PDE1A: variants seen among roughly 807,000 people sequenced by gnomAD.
PDE1A encodes the protein phosphodiesterase 1A.
In PDE1A, 35 loss-of-function variants were observed where a neutral mutation model predicts 61.7. The observed-to-expected ratio is 0.57, with a 90% CI of 0.43 to 0.75. PDE1A has a LOEUF of 0.75. Ranked by LOEUF, PDE1A falls within the 30% of genes least tolerant of loss-of-function variation. The probability of loss-of-function intolerance (pLI) is 0.00; values close to 1 mark genes in which losing one functional copy is unlikely to be tolerated. For missense variants in PDE1A, 597 were observed against 630.6 expected, an observed-to-expected ratio of 0.95 and a Z score of 0.57; for synonymous variants, 232 against 213.2, an observed-to-expected ratio of 1.09 and a Z score of -0.77.
chr2:182,450,477 C>A (rs1026131033), intron 2 of PDE1A, among the ~76,000 whole-genome samples: 1 of 151,896 alleles, frequency 6.6e-6, no homozygotes, highest in Non-Finnish European at 1.5e-5. Flanking sequence ...TAAGCATTTG[C>A]CCATGAAACT....
At chr2:182,607,176 G>A in the PDE1A span, among the ~76,000 whole-genome samples, 1 of 152,122 alleles carries the variant, frequency 6.6e-6, no homozygotes, top group Non-Finnish European at 1.5e-5. Flanking sequence ...GTGGTGATCT[G>A]GTAAGTTTCA....
chr2:182,584,345 A>G, the PDE1A span, among the ~76,000 whole-genome samples: 28 of 152,356 alleles, frequency 1.8e-4, no homozygotes, highest in Non-Finnish European at 3.4e-4. Flanking sequence ...GAGATCTTGC[A>G]AGGAGCCACA....
At chr2:182,146,823 CA>C (rs1690521041), downstream of PDE1A, among the ~76,000 whole-genome samples, 1 of 151,984 alleles carries the variant, frequency 6.6e-6, no homozygotes, top group African/African-American at 2.4e-5. Flanking sequence ...ATTTCAGTTC[CA>C]GTAAATATAA....
chr2:182,221,476 A>G (rs1410444451), intron 7 of PDE1A, among the ~76,000 whole-genome samples: 1 of 152,094 alleles, frequency 6.6e-6, no homozygotes, highest in African/African-American at 2.4e-5. Context: ...AAATACAAAT[A>G]AAAGCAAAAA....
chr2:182,427,037 G>T lies in PDE1A; in HGVS notation c.-407C>A, dbSNP rs567265567. On this transcript the variant is annotated 5_prime_UTR_variant, in exon 1 of 14. Transcript: ENST00000351439. ...CCACATGCTGGTCAAGCTCCGAAAG[G>T]CTAAGTCCCTCCCTGTCTTTAAAAC... The T allele has an allele frequency of 1.6e-5, 16 of 994,384 alleles. No individual in the cohort carries two copies. The highest frequency in any genetic ancestry group is 1.0e-3 in the Middle Eastern group (2 of 1,956). 61.6% of individuals were successfully genotyped at this position (994,384 alleles called of 1,614,324 possible).
At chr2:182,185,400 G>A (rs745951111) in intron 13 of PDE1A, among the ~76,000 whole-genome samples, 5 of 152,120 alleles carry the variant, frequency 3.3e-5, no homozygotes, top group Non-Finnish European at 7.4e-5. Context: ...CTTCCCATGC[G>A]ATTGCTGTGG....
At chr2:182,164,946 A>T (rs1691577490), downstream of PDE1A, among the ~76,000 whole-genome samples, 1 of 151,868 alleles carries the variant, frequency 6.6e-6, no homozygotes, top group Admixed American at 6.6e-5. Context: ...CTGACCCAGG[A>T]ATTCACTTCA....
At chr2:182,601,147 T>A in the PDE1A span, among the ~76,000 whole-genome samples, 2 of 152,214 alleles carry the variant, frequency 1.3e-5, no homozygotes, top group African/African-American at 4.8e-5. Flanking sequence ...ACTACCAGCA[T>A]GGATGCCACA....
chr2:182,369,974 A>G (rs1242717481), intron 1 of PDE1A, among the ~76,000 whole-genome samples: 1 of 152,148 alleles, frequency 6.6e-6, no homozygotes, highest in Non-Finnish European at 1.5e-5. Flanking sequence ...CAGGAGATCA[A>G]GACCATCCTG....
intron 2 of PDE1A, among the ~76,000 whole-genome samples, chr2:182,503,139 T>C (rs921191447): frequency 6.6e-6 from 1 of 151,460 alleles, no homozygotes; most frequent in Non-Finnish European, 1.5e-5. Flanking sequence ...ATTTCATCAG[T>C]GCATTCTGTC....
downstream of PDE1A, among the ~76,000 whole-genome samples, chr2:182,143,578 C>G (rs1207695342): frequency 6.6e-6 from 1 of 152,052 alleles, no homozygotes; most frequent in Non-Finnish European, 1.5e-5. Flanking sequence ...TGCAGTGGCG[C>G]CATCTCGGCT....
upstream of PDE1A, among the ~76,000 whole-genome samples, chr2:182,527,375 C>T (rs568225781): frequency 4.9e-3 from 304 of 61,854 alleles, 4 homozygotes; most frequent in Middle Eastern, 0.034. Flanking sequence ...TATATATATA[C>T]ACATATATAT....
chr2:182,696,981 T>C, the PDE1A span, among the ~76,000 whole-genome samples: 221 of 152,312 alleles, frequency 1.5e-3, no homozygotes, highest in Non-Finnish European at 2.7e-3. Context: ...TCTCTCAGTT[T>C]TTTCTATCTT....
At chr2:182,356,212 A>T (rs1330354952) in intron 1 of PDE1A, among the ~76,000 whole-genome samples, 1 of 152,166 alleles carries the variant, frequency 6.6e-6, no homozygotes, top group Non-Finnish European at 1.5e-5. Context: ...TGGGAGGCTG[A>T]GGCAGGAGGA....
chr2:182,311,941 G>T (rs1210476523), intron 1 of PDE1A, among the ~76,000 whole-genome samples: 1 of 152,050 alleles, frequency 6.6e-6, no homozygotes, highest in Non-Finnish European at 1.5e-5. Context: ...TGCTTAATAT[G>T]GTCAGAGTAA....
intron 1 of PDE1A, among the ~76,000 whole-genome samples, chr2:182,362,815 T>C (rs1385102930): frequency 1.3e-5 from 2 of 151,984 alleles, no homozygotes; most frequent in Non-Finnish European, 2.9e-5. Context: ...AGAATCAACC[T>C]AAATGCCCAT....
chr2:182,620,039 T>C, the PDE1A span, among the ~76,000 whole-genome samples: 1 of 152,156 alleles, frequency 6.6e-6, no homozygotes, highest in Non-Finnish European at 1.5e-5. Flanking sequence ...ATTGTTACAA[T>C]GGCAGTTACA....
chr2:182,285,994 G>T (rs2125867851), intron 1 of PDE1A, among the ~76,000 whole-genome samples: 1 of 152,196 alleles, frequency 6.6e-6, no homozygotes, highest in Admixed American at 6.5e-5. Context: ...CCGTAAAGCT[G>T]GAAAATGAAT....
chr2:182,588,520 C>T, the PDE1A span, among the ~76,000 whole-genome samples: 1 of 152,190 alleles, frequency 6.6e-6, no homozygotes, highest in Non-Finnish European at 1.5e-5. Flanking sequence ...CAAAAATACA[C>T]TCAAATATCA....
Sources: allele counts gnomAD v4.1 joint callset (sites outside exome capture counted in the v4.1 genomes callset), GRCh38; gene constraint gnomAD v4.1.1; transcripts MANE v1.5; gene names NCBI Gene and HGNC (gene_info 2026-07-23, HGNC 2026-07-21).